The following DNMT3A variants were observed in gnomAD, a reference collection of about 807,000 sequenced individuals.
DNMT3A encodes DNA (cytosine-5)-methyltransferase 3A.
Under a neutral mutation model 117.6 loss-of-function variants are expected in DNMT3A, and 267 were observed. That is an observed-to-expected ratio of 2.27 (90% CI 2.05 to 2.51). The LOEUF (loss-of-function observed/expected upper bound fraction) is 2.51. Among genes scored for constraint, DNMT3A ranks in the 30% most tolerant of loss-of-function variants. The pLI, the probability that DNMT3A is intolerant of heterozygous loss-of-function variation, is 0.00. For synonymous variants in DNMT3A, 432 were observed against 474.8 expected (o/e 0.91, Z 1.17); for missense variants, 1,029 against 1,260.2 (o/e 0.82, Z 2.78).
rs946654803 is a variant in DNMT3A, at chr2:25,243,853, T to A, written c.1936+45A>T. ...GTTGCCCACACACCTGGCTCCCCCATCCTGGGACAAGGCGGCCAGCACCTC... is the reference window on the plus strand; with the variant it reads ...GTTGCCCACACACCTGGCTCCCCCAACCTGGGACAAGGCGGCCAGCACCTC... On this transcript the variant is annotated intron_variant, in intron 16 of 22. Coordinates refer to ENST00000321117, the MANE Select transcript of DNMT3A (RefSeq NM_022552.5). 3.2e-6 allele frequency: 5 copies of A among 1,549,212 alleles called. No individual in the cohort carries two copies. In the African/African-American group the frequency reaches 5.5e-5, roughly 17 times the overall value.
Position 25,282,128 on chromosome 2 carries a change from T to G in DNMT3A, c.448+313A>C. ...CCCAGTCTAGCAATCGTTGGCGTTA[T>G]GAAAGCCCGCTGTTGCCAGATCTAG... is the stretch of plus-strand genomic sequence containing the variant. On this transcript the variant is annotated intron_variant, in intron 4 of 22. Coordinates refer to ENST00000321117, the MANE Select transcript of DNMT3A (RefSeq NM_022552.5). The surrounding 1 kb of genome is among the most constrained non-coding windows in gnomAD (Gnocchi z 5.2). 8.7e-7 allele frequency: 1 copy of G among 1,154,392 alleles called. No homozygotes were observed. Among genetic ancestry groups the G allele is most frequent in the Non-Finnish European group, 1.1e-6 (1 of 898,076 alleles). 71.5% of individuals were successfully genotyped at this position (1,154,392 alleles called of 1,614,324 possible). A position where few individuals can be genotyped will look rare whatever the true frequency, so the allele number is the denominator to read the frequency against.
Position 25,286,418 on chromosome 2 carries a change from G to A in DNMT3A, c.178-3707C>T, listed in dbSNP as rs1484538922. Among the ~76,000 whole-genome samples, 2 of 152,198 alleles carry A rather than the reference G, an allele frequency of 1.3e-5. No homozygotes were observed. The highest frequency in any genetic ancestry group is 2.1e-4 in the South Asian group (1 of 4,832). On this transcript the variant is annotated intron_variant, in intron 3 of 22. Coordinates refer to ENST00000321117, the MANE Select transcript of DNMT3A (RefSeq NM_022552.5). This position sits in a 1 kb window ranked among gnomAD's most constrained non-coding sequence, Gnocchi z 4.3. ...GGGCATGTTGCACATTTCCAGCCCC[G>A]GGTTAGCTCACCCGCTGAAATCCCC...
chr2:25,282,682 A>T lies in DNMT3A; in HGVS notation c.207T>A (p.Pro69=). 2 of 1,561,392 alleles carry T rather than the reference A, an allele frequency of 1.3e-6. No homozygotes were observed. Among genetic ancestry groups the T allele is most frequent in the Non-Finnish European group, 1.7e-6 (2 of 1,153,238 alleles). ...PVESGDTPKD[P]AVISKSPSMA... Reference sequence around the variant, plus strand: ...TGGATGGGGACTTGGAGATCACCGCAGGGTCCTTTGGCGTGTCACCGCTTT... The same window carrying T: ...TGGATGGGGACTTGGAGATCACCGCTGGGTCCTTTGGCGTGTCACCGCTTT... Residue 69 remains proline (P), a synonymous_variant, in exon 4 of 23, where the codon CCT becomes CCA. Coordinates refer to ENST00000321117, the MANE Select transcript of DNMT3A (RefSeq NM_022552.5). This position sits in a 1 kb window ranked among gnomAD's most constrained non-coding sequence, Gnocchi z 5.2.
chr2:25,261,860 C>T (rs1188718955), intron 6 of DNMT3A, among the ~76,000 whole-genome samples: 2 of 151,950 alleles, frequency 1.3e-5, no homozygotes, highest in African/African-American at 4.8e-5. Context: ...CTGTGCGTCC[C>T]CTCCATGAGG....
chr2:25,229,214 A>G lies in DNMT3A; in HGVS notation c.*5065T>C, dbSNP rs1410493244. On this transcript the variant is annotated 3_prime_UTR_variant, in exon 23 of 23. Transcript: ENST00000321117. ...ACGTAAAGATTCCAGAGCTCACACTACAACAGCAGAGTCCATCCTCTCACC... is the reference window on the plus strand; with the variant it reads ...ACGTAAAGATTCCAGAGCTCACACTGCAACAGCAGAGTCCATCCTCTCACC... 1.3e-5 allele frequency: 2 copies of G among 152,362 alleles called. No homozygotes were observed. The highest frequency in any genetic ancestry group is 2.9e-5 in the Non-Finnish European group (2 of 68,124). 9.4% of individuals were successfully genotyped at this position (152,362 alleles called of 1,614,324 possible).
At chr2:25,328,511 A>G (rs550183688) in intron 1 of DNMT3A, 12 of 399,340 alleles carry the variant, frequency 3.0e-5, no homozygotes, top group African/African-American at 2.3e-4. Flanking sequence ...TGAGTGTTCC[A>G]TGCGTATATA....
intron 1 of DNMT3A, among the ~76,000 whole-genome samples, chr2:25,335,161 A>G (rs939270292): frequency 3.3e-5 from 5 of 152,194 alleles, no homozygotes; most frequent in Non-Finnish European, 5.9e-5. Flanking sequence ...CCACAACACT[A>G]CTGCATGGGG....
intron 3 of DNMT3A, among the ~76,000 whole-genome samples, chr2:25,290,351 C>T (rs898657776): frequency 2.8e-5 from 4 of 142,806 alleles, no homozygotes; most frequent in Non-Finnish European, 4.6e-5. Flanking sequence ...GACGCAGTCT[C>T]ACTCTGTTCT....
rs1341255293 is a variant in DNMT3A at position 25,243,923 on chromosome 2, C to A, written c.1911G>T (p.Leu637=). The change falls in exon 16 of 23, where the codon CTG becomes CTT. Residue 637 remains leucine, a synonymous_variant. Coordinates refer to ENST00000321117, the MANE Select transcript of DNMT3A (RefSeq NM_022552.5). ...PAEKRKPIRV[L]SLFDGIATGL... is the part of the protein sequence containing the mutation. ...CTGTAGCGATTCCATCAAAGAGAGA[C>A]AGCACCCGGATGGGCTTCCTCTTCT... The A allele has an allele frequency of 6.4e-7, 1 of 1,552,156 alleles. No homozygotes were observed. The highest frequency in any genetic ancestry group is 8.7e-7 in the Non-Finnish European group (1 of 1,147,120).
At chr2:25,244,364 G>T in intron 14 of DNMT3A, 26 bp from the exon 15 acceptor site, 1 of 1,585,608 alleles carries the variant, frequency 6.3e-7, no homozygotes, top group Non-Finnish European at 8.6e-7. Context: ...GTGAGCAGAG[G>T]AGACTCTCAG....
In DNMT3A at chr2:25,293,776, G is replaced by T. The variant is rs1292781317; in HGVS notation, c.177+6363C>A. Among the ~76,000 whole-genome samples, 1 of 152,194 alleles carries T rather than the reference G, an allele frequency of 6.6e-6. No homozygotes were observed. Among genetic ancestry groups the T allele is most frequent in the Non-Finnish European group, 1.5e-5 (1 of 68,024 alleles). On this transcript the variant is annotated intron_variant, in intron 3 of 22. Coordinates refer to ENST00000321117, the MANE Select transcript of DNMT3A (RefSeq NM_022552.5). This position sits in a 1 kb window ranked among gnomAD's most constrained non-coding sequence, Gnocchi z 4.7. ...AACCTCTGCCTGCCCAGGTTCAAGCGATTCTCGTGCCTCAGCCTCCTGGGC... is the reference window on the plus strand; with the variant it reads ...AACCTCTGCCTGCCCAGGTTCAAGCTATTCTCGTGCCTCAGCCTCCTGGGC...
chr2:25,316,074 C>T (rs1170874245), intron 1 of DNMT3A, among the ~76,000 whole-genome samples: 4 of 152,200 alleles, frequency 2.6e-5, no homozygotes, highest in Non-Finnish European at 4.4e-5. Flanking sequence ...GAAGCTGTTG[C>T]GGCCCCACAG....
At position 25,245,326 on chromosome 2, in the gene DNMT3A, C is replaced by A; in HGVS notation, c.1481G>T (p.Cys494Phe). 6.2e-7 allele frequency: 1 copy of A among 1,613,782 alleles called. No individual in the cohort carries two copies. Among genetic ancestry groups the A allele is most frequent in the Non-Finnish European group, 8.5e-7 (1 of 1,179,912 alleles). Reference sequence around the variant, plus strand: ...AACATTGAGGCTCCCACAGGAGATGCAGATGTCTGGAAAGCAGAGGGAGGG... The same window carrying A: ...AACATTGAGGCTCCCACAGGAGATGAAGATGTCTGGAAAGCAGAGGGAGGG... ...RQKCRNIEDI[C>F]ISCGSLNVTL... Residue 494 changes from cysteine (C) to phenylalanine (F), a missense_variant, in exon 13 of 23, where the codon TGC (cysteine) becomes TTC (phenylalanine). By Grantham distance (205) the Cys-to-Phe change is radical. Coordinates refer to ENST00000321117, the MANE Select transcript of DNMT3A (RefSeq NM_022552.5).
chr2:25,300,712 AATATATATATATATATATATAT>A lies in DNMT3A; in HGVS notation c.73-491_73-470del, dbSNP rs3039391. ...ATATATTTATATATCTAAATAATAT[AATATATATATATATATATATAT>A]ATATATATATATATATATATATATA... On this transcript the variant is annotated intron_variant, in intron 2 of 22. Transcript: ENST00000321117. 3.9e-3 allele frequency among the ~76,000 whole-genome samples: 74 copies of A among 18,920 alleles called. 4 individuals are homozygous for A. The highest frequency in any genetic ancestry group is 0.024 in the Admixed American group (27 of 1,124). The allele number at this position is 18,920 out of a possible 152,430, so 12.4% of individuals were successfully genotyped here.
chr2:25,252,546 G>C lies in DNMT3A; in HGVS notation c.640-4294C>G, dbSNP rs1237788333. ...CCGTTCCCAGGGCCCGCCCAGGCCGGGCTGCAGGGAGCGCCCCGCCTTCGG... is the reference window on the plus strand; with the variant it reads ...CCGTTCCCAGGGCCCGCCCAGGCCGCGCTGCAGGGAGCGCCCCGCCTTCGG... On this transcript the variant is annotated intron_variant, in intron 6 of 22. Transcript: ENST00000321117. This position sits in a 1 kb window ranked among gnomAD's most constrained non-coding sequence, Gnocchi z 5.5. 2.0e-5 allele frequency among the ~76,000 whole-genome samples: 3 copies of C among 151,740 alleles called. No homozygotes were observed. The highest frequency in any genetic ancestry group is 7.3e-5 in the African/African-American group (3 of 41,344).
Position 25,233,999 on chromosome 2 carries a change from C to CG in DNMT3A, c.*279dup. On this transcript the variant is annotated 3_prime_UTR_variant, in exon 23 of 23. Coordinates refer to ENST00000321117, the MANE Select transcript of DNMT3A (RefSeq NM_022552.5). ...AAGAGTAGAAAATAAAAGGTCTGACCGAAAAAAAAGGGAAGGGGGAGGAAG... is the reference window on the plus strand; with the variant it reads ...AAGAGTAGAAAATAAAAGGTCTGACCGGAAAAAAAAGGGAAGGGGGAGGAAG... The CG allele has an allele frequency of 3.2e-6, 1 of 311,740 alleles. No homozygotes were observed. Among genetic ancestry groups the CG allele is most frequent in the Non-Finnish European group, 5.8e-6 (1 of 173,146 alleles). 19.3% of individuals were successfully genotyped at this position (311,740 alleles called of 1,614,324 possible). A position where few individuals can be genotyped will look rare whatever the true frequency, so the allele number is the denominator to read the frequency against.
intron 1 of DNMT3A, among the ~76,000 whole-genome samples, chr2:25,333,353 GAA>G (rs547207869): frequency 1.3e-5 from 2 of 150,198 alleles, no homozygotes; most frequent in South Asian, 4.2e-4. Context: ...CTTTTGAGAC[GAA>G]GTCTCACTCT....
rs1558661681 is a variant in DNMT3A at position 25,241,682 on chromosome 2, GC to G, written c.1961del (p.Gly654AlafsTer51). 6.2e-7 allele frequency: 1 copy of G among 1,614,010 alleles called. No individual in the cohort carries two copies. The highest frequency in any genetic ancestry group is 8.5e-7 in the Non-Finnish European group (1 of 1,179,966). ...AGGCAATGTAGCGGTCCACCTGAAT[GC>G]CCAAGTCCTTCAGCACCAGGAGCCC... ...ATGLLVLKDL[G>X]IQVDRYIASE... On this transcript the variant is annotated frameshift_variant, in exon 17 of 23. Transcript: ENST00000321117. LOFTEE classifies it high-confidence loss of function.
intron 2 of DNMT3A, among the ~76,000 whole-genome samples, chr2:25,300,768 T>TAA (rs2033466132): frequency 1.1e-4 from 7 of 61,156 alleles, no homozygotes; most frequent in Non-Finnish European, 1.5e-4. Flanking sequence ...TATATATATA[T>TAA]AAATAATACA....
Sources: allele counts gnomAD v4.1 joint callset (sites outside exome capture counted in the v4.1 genomes callset), GRCh38; gene constraint gnomAD v4.1.1; non-coding constraint Gnocchi (gnomAD v3.1); transcripts MANE v1.5; gene names NCBI Gene and HGNC (gene_info 2026-07-23, HGNC 2026-07-21).